The following KALRN variants were observed in gnomAD, a reference collection of about 807,000 sequenced individuals.
The protein encoded by KALRN is kalirin.
In KALRN, 70 loss-of-function variants were observed where a neutral mutation model predicts 353.7. The ratio of observed to expected loss-of-function variants is 0.20; its 90% CI spans 0.16 to 0.24. The LOEUF (loss-of-function observed/expected upper bound fraction) is 0.24. Among genes scored for constraint, KALRN ranks in the 10% least tolerant of loss-of-function variants. The pLI is 1.00. For missense variants in KALRN, 2,791 were observed against 3,756.7 expected (o/e 0.74, Z 6.72); for synonymous variants, 1,391 against 1,434.8 (o/e 0.97, Z 0.69).
chr3:124,521,184 G>A (rs370899015), intron 33 of KALRN, among the ~76,000 whole-genome samples: 2 of 151,942 alleles, frequency 1.3e-5, no homozygotes, highest in East Asian at 1.9e-4. Flanking sequence ...CTGATGAGGC[G>A]GAAATCACCA....
chr3:124,274,971 C>T (rs77983368), intron 5 of KALRN, among the ~76,000 whole-genome samples: 3,777 of 152,256 alleles, frequency 0.025, 73 homozygotes, highest in Non-Finnish European at 0.04. Context: ...TGGGGTGACA[C>T]GTATCAATTG....
At chr3:124,446,725 GC>G in intron 20 of KALRN, 37 bp from the exon 21 acceptor site, 3 of 1,612,914 alleles carry the variant, frequency 1.9e-6, no homozygotes, top group African/African-American at 1.3e-5. Flanking sequence ...ACTGACAGCT[GC>G]CTTTTTGGGG....
intron 33 of KALRN, among the ~76,000 whole-genome samples, chr3:124,525,340 C>A (rs1275818086): frequency 1.3e-5 from 2 of 152,148 alleles, no homozygotes; most frequent in Non-Finnish European, 2.9e-5. Flanking sequence ...TCCAGTGATT[C>A]TGTTACCTAT....
chr3:124,239,658 C>T (rs2080207001), intron 3 of KALRN, among the ~76,000 whole-genome samples: 1 of 152,206 alleles, frequency 6.6e-6, no homozygotes, highest in Non-Finnish European at 1.5e-5. Flanking sequence ...GGCTTATGGC[C>T]TGCACTGTCT....
At chr3:124,092,584 A>G (rs1340063546) in intron 1 of KALRN, among the ~76,000 whole-genome samples, 1 of 152,202 alleles carries the variant, frequency 6.6e-6, no homozygotes, top group Non-Finnish European at 1.5e-5. Flanking sequence ...CCTGTTAGGA[A>G]ACAGCAGTGT....
intron 1 of KALRN, among the ~76,000 whole-genome samples, chr3:124,038,873 CTCTT>C (rs1438846418): frequency 2.6e-5 from 4 of 152,266 alleles, no homozygotes; most frequent in Non-Finnish European, 5.9e-5. Flanking sequence ...TGTGAGGACT[CTCTT>C]TCCTCCAACA....
At chr3:124,239,163 A>C (rs1275831941) in intron 3 of KALRN, among the ~76,000 whole-genome samples, 1 of 152,190 alleles carries the variant, frequency 6.6e-6, no homozygotes, top group African/African-American at 2.4e-5. Flanking sequence ...GAAAATACTC[A>C]GATGTGATCA....
chr3:124,275,477 ACCCTACTC>A (rs1454893176), intron 5 of KALRN, among the ~76,000 whole-genome samples: 2 of 152,228 alleles, frequency 1.3e-5, no homozygotes, highest in East Asian at 3.9e-4. Context: ...AGCAAATAAA[ACCCTACTC>A]CCTTGAGGTT....
At chr3:124,354,607 C>T (rs1310728978) in intron 10 of KALRN, among the ~76,000 whole-genome samples, 1 of 152,100 alleles carries the variant, frequency 6.6e-6, no homozygotes, top group East Asian at 1.9e-4. Flanking sequence ...CCTTAGGTTT[C>T]AAAAAATACC....
chr3:124,138,371 A>G (rs1307707224), intron 1 of KALRN, among the ~76,000 whole-genome samples: 1 of 152,208 alleles, frequency 6.6e-6, no homozygotes, highest in African/African-American at 2.4e-5. Context: ...CTACTCCACC[A>G]GTGGTATCAC....
intron 34 of KALRN, among the ~76,000 whole-genome samples, chr3:124,573,862 A>G (rs1381573671): frequency 6.6e-6 from 1 of 152,204 alleles, no homozygotes; most frequent in African/African-American, 2.4e-5. Context: ...TTGAGATAAT[A>G]TTTGATATAT....
chr3:124,430,611 A>G (rs537098537), intron 15 of KALRN, 45 bp from the exon 16 acceptor site: 1 of 1,607,082 alleles, frequency 6.2e-7, no homozygotes, highest in Admixed American at 1.7e-5. Flanking sequence ...GCTCTGGGGA[A>G]ACTGCGGAAG....
intron 37 of KALRN, among the ~76,000 whole-genome samples, chr3:124,642,078 T>C (rs927097369): frequency 2.0e-5 from 3 of 152,042 alleles, no homozygotes; most frequent in African/African-American, 7.2e-5. Context: ...GCTTAGGAGT[T>C]CAAGACCAGC....
intron 14 of KALRN, among the ~76,000 whole-genome samples, chr3:124,419,671 C>T (rs1466871763): frequency 1.3e-5 from 2 of 152,076 alleles, no homozygotes; most frequent in African/African-American, 4.8e-5. Context: ...CCTGGAACAA[C>T]ATAGATAAGT....
intron 34 of KALRN, among the ~76,000 whole-genome samples, chr3:124,628,189 ATTCCCTCCCTCCCCCC>A (rs2080228845): frequency 1.1e-4 from 1 of 8,900 alleles, no homozygotes; most frequent in Non-Finnish European, 1.9e-4. Flanking sequence ...TCCCTCCTTC[ATTCCCTCCCTCCCCCC>A]CTCCTTCCTT....
intron 2 of KALRN, among the ~76,000 whole-genome samples, chr3:124,228,298 C>T (rs79335355): frequency 0.014 from 2,193 of 152,300 alleles, 32 homozygotes; most frequent in Non-Finnish European, 0.023. Context: ...GAGCTTCCCA[C>T]CCAACCTCAG....
intron 33 of KALRN, among the ~76,000 whole-genome samples, chr3:124,512,683 TA>T (rs1051376726): frequency 1.3e-5 from 2 of 151,192 alleles, no homozygotes; most frequent in Admixed American, 6.6e-5. Flanking sequence ...ATTAAAAATT[TA>T]AAAAAAAACA....
chr3:124,535,932 G>C (rs920489276), intron 33 of KALRN, among the ~76,000 whole-genome samples: 2 of 152,154 alleles, frequency 1.3e-5, no homozygotes, highest in Admixed American at 6.5e-5. Flanking sequence ...TAGATGGATG[G>C]TGTTCCAGGG....
intron 58 of KALRN, among the ~76,000 whole-genome samples, chr3:124,716,727 G>A (rs926885291): frequency 2.0e-5 from 3 of 152,164 alleles, no homozygotes; most frequent in Non-Finnish European, 1.5e-5. Flanking sequence ...GATCACTTGA[G>A]TCCAGGAGTT....
Sources: allele counts gnomAD v4.1 joint callset (sites outside exome capture counted in the v4.1 genomes callset), GRCh38; gene constraint gnomAD v4.1.1; transcripts MANE v1.5; gene names NCBI Gene and HGNC (gene_info 2026-07-23, HGNC 2026-07-21).